OR7D2: variants seen among roughly 807,000 people sequenced by gnomAD.
OR7D2 encodes the protein olfactory receptor 7D2.
For synonymous variants in OR7D2, 158 were observed against 158.7 expected (o/e 1.00, Z 0.03); for missense variants, 370 against 384.1 (o/e 0.96, Z 0.31).
rs376232496 is a variant in OR7D2, at chr19:9,181,547, T to C, written c.-14+759T>C. On this transcript the variant is annotated intron_variant, in intron 2 of 2. Transcript: ENST00000641288. ...ATAGCTCACTACAGCCTCAACCTCC[T>C]GGGCTCAGGCAATTCTCCTGCCTCA... Among the ~76,000 whole-genome samples the C allele has an allele frequency of 1.5e-4, 22 of 149,320 alleles. 1 individual carries two copies. Among genetic ancestry groups the C allele is most frequent in the African/African-American group, 5.2e-4 (21 of 40,556 alleles).
chr19:9,185,654 G>A, intron 2 of OR7D2, 115 bp from the exon 3 acceptor site: 1 of 597,262 alleles, frequency 1.7e-6, no homozygotes, highest in South Asian at 2.4e-5. Flanking sequence ...TGTAAACATA[G>A]CTCCCTGCAG....
intron 1 of OR7D2, among the ~76,000 whole-genome samples, chr19:9,179,543 CAAAAA>C: frequency 7.0e-6 from 1 of 142,402 alleles, no homozygotes; most frequent in African/African-American, 2.6e-5. Flanking sequence ...GACGCTGTCT[CAAAAA>C]AAAAAAAAGA....
intron 2 of OR7D2, chr19:9,183,103 C>CA (rs1362155832): frequency 3.2e-5 from 9 of 284,524 alleles, no homozygotes; most frequent in Non-Finnish European, 5.9e-5. Context: ...AGTTTCTCGT[C>CA]AGGCCCACAG....
intron 2 of OR7D2, among the ~76,000 whole-genome samples, chr19:9,185,031 G>A (rs1488869459): frequency 6.6e-6 from 1 of 152,000 alleles, no homozygotes; most frequent in Non-Finnish European, 1.5e-5. Context: ...GGGTGCGGCT[G>A]GGGGAGAAAA....
chr19:9,183,720 G>A (rs1033030207), intron 2 of OR7D2, among the ~76,000 whole-genome samples: 2 of 151,052 alleles, frequency 1.3e-5, no homozygotes, highest in African/African-American at 4.8e-5. Context: ...CACTTTGGGA[G>A]GCCGAGGCGG....
intron 2 of OR7D2, among the ~76,000 whole-genome samples, chr19:9,181,526 C>G (rs1170610624): frequency 7.0e-6 from 1 of 143,816 alleles, no homozygotes; most frequent in Admixed American, 7.4e-5. Flanking sequence ...GCAATCATAG[C>G]TCACTACAGC....
Position 9,187,326 on chromosome 19 carries a change from T to A in OR7D2, c.*606T>A, listed in dbSNP as rs1223886568. Reference sequence around the variant, plus strand: ...ATTATAAGTGAGATCATGCAGCATTTGACTTTGTTTCTTTACTACCTTACT... The same window carrying A: ...ATTATAAGTGAGATCATGCAGCATTAGACTTTGTTTCTTTACTACCTTACT... On this transcript the variant is annotated 3_prime_UTR_variant, in exon 3 of 3. Transcript: ENST00000641288. 1 of 167,044 alleles carries A rather than the reference T, an allele frequency of 6.0e-6. No individual in the cohort carries two copies. Among genetic ancestry groups the A allele is most frequent in the East Asian group, 1.9e-4 (1 of 5,198 alleles). The allele number at this position is 167,044 out of a possible 1,614,324, so 10.3% of individuals were successfully genotyped here.
rs968703122 is a variant in OR7D2, at chr19:9,180,792, C to T, written c.-14+4C>T. 2.6e-5 allele frequency: 4 copies of T among 151,906 alleles called. No individual in the cohort carries two copies. The highest frequency in any genetic ancestry group is 3.4e-3 in the Middle Eastern group (1 of 294). The allele number at this position is 151,906 out of a possible 1,614,324, so 9.4% of individuals were successfully genotyped here. A position where few individuals can be genotyped will look rare whatever the true frequency, so the allele number is the denominator to read the frequency against. On this transcript the variant is annotated splice_donor_region_variant and intron_variant, in intron 2 of 2. Coordinates refer to ENST00000641288, the MANE Select transcript of OR7D2 (RefSeq NM_175883.4). Reference sequence around the variant, plus strand: ...ACTTGCCACAAAGAAACTTCAGGTTCGTCGGGCTTCATGGTGTATTTGTCT... The same window carrying T: ...ACTTGCCACAAAGAAACTTCAGGTTTGTCGGGCTTCATGGTGTATTTGTCT...
chr19:9,186,125 T>G lies in OR7D2; in HGVS notation c.344T>G (p.Leu115Arg). ...MFFPILDTLL[L>R]TVMAYDRFVA... ...TTTCCTATTCTGGACACGCTACTCC[T>G]GACCGTGATGGCCTATGACCGGTTT... Residue 115 changes from leucine to arginine, a missense_variant, in exon 3 of 3, where the codon CTG (leucine) becomes CGG (arginine). Physicochemically the swap from Leu to Arg is moderately radical, Grantham distance 102. Coordinates refer to ENST00000641288, the MANE Select transcript of OR7D2 (RefSeq NM_175883.4). 6.2e-7 allele frequency: 1 copy of G among 1,614,146 alleles called. No homozygotes were observed. Among genetic ancestry groups the G allele is most frequent in the Non-Finnish European group, 8.5e-7 (1 of 1,180,020 alleles).
chr19:9,184,544 C>T (rs2145981893), intron 2 of OR7D2, among the ~76,000 whole-genome samples: 1 of 152,070 alleles, frequency 6.6e-6, no homozygotes, highest in South Asian at 2.1e-4. Context: ...CCAGCAATCC[C>T]TCCCCTGGAT....
At chr19:9,183,009 G>A (rs2051002095) in intron 2 of OR7D2, 2 of 429,986 alleles carry the variant, frequency 4.7e-6, no homozygotes, top group Non-Finnish European at 9.3e-6. Flanking sequence ...ACGGCATCAG[G>A]GCCTTCACAG....
intron 2 of OR7D2, among the ~76,000 whole-genome samples, chr19:9,182,076 T>C (rs1232595551): frequency 6.6e-6 from 1 of 152,228 alleles, no homozygotes; most frequent in Non-Finnish European, 1.5e-5. Flanking sequence ...GGTGGTTAAC[T>C]ATGAGATATT....
chr19:9,182,686 AT>A (rs972864817), intron 2 of OR7D2: 8 of 155,870 alleles, frequency 5.1e-5, no homozygotes, highest in Non-Finnish European at 8.4e-5. Context: ...CGCCTGGCTA[AT>A]TTTTTTTGTA....
In OR7D2 at chr19:9,186,794, C is replaced by T; in HGVS notation, c.*74C>T. On this transcript the variant is annotated 3_prime_UTR_variant, in exon 3 of 3. Coordinates refer to ENST00000641288, the MANE Select transcript of OR7D2 (RefSeq NM_175883.4). ...AAAATGTTTTATTTTGAAATTCTTA[C>T]TCTTTAAAATTAAAAACATTTTTTT... 1 of 1,042,658 alleles carries T rather than the reference C, an allele frequency of 9.6e-7. No homozygotes were observed. The highest frequency in any genetic ancestry group is 1.4e-6 in the Non-Finnish European group (1 of 725,790). 64.6% of individuals were successfully genotyped at this position (1,042,658 alleles called of 1,614,324 possible). A position where few individuals can be genotyped will look rare whatever the true frequency, so the allele number is the denominator to read the frequency against.
In OR7D2 at chr19:9,186,648, C is replaced by CTACA; in HGVS notation, c.868_871dup (p.Ser291IlefsTer46). On this transcript the variant is annotated frameshift_variant, in exon 3 of 3. Coordinates refer to ENST00000641288, the MANE Select transcript of OR7D2 (RefSeq NM_175883.4). LOFTEE classifies it low-confidence loss of function (END_TRUNC). ...TCACCCCCATGTTGAACCCCTTCAT[C>CTACA]TACAGCCTGAGGAACAAGGATGTGA... is the stretch of plus-strand genomic sequence containing the variant. 6.2e-7 allele frequency: 1 copy of CTACA among 1,614,084 alleles called. No individual in the cohort carries two copies. Among genetic ancestry groups the CTACA allele is most frequent in the Non-Finnish European group, 8.5e-7 (1 of 1,180,012 alleles).
chr19:9,185,967 C>T lies in OR7D2; in HGVS notation c.186C>T (p.Phe62=), dbSNP rs2051028103. 6.2e-7 allele frequency: 1 copy of T among 1,614,190 alleles called. No homozygotes were observed. Among genetic ancestry groups the T allele is most frequent in the Non-Finnish European group, 8.5e-7 (1 of 1,180,028 alleles). ...DSHLHTPMYF[F]LSNLSWVDIC... ...ACCTCCACACCCCCATGTACTTCTT[C>T]CTCTCCAACCTGTCCTGGGTTGACA... The change falls in exon 3 of 3, where the codon TTC becomes TTT. Residue 62 remains phenylalanine (F), a synonymous_variant. Coordinates refer to ENST00000641288, the MANE Select transcript of OR7D2 (RefSeq NM_175883.4).
intron 2 of OR7D2, among the ~76,000 whole-genome samples, chr19:9,182,066 G>T (rs576878283): frequency 6.6e-6 from 1 of 152,120 alleles, no homozygotes; most frequent in South Asian, 2.1e-4. Context: ...ATTTAATATG[G>T]GTGGTTAACT....
In OR7D2 at chr19:9,182,037, G is replaced by A. The variant is rs558538189; in HGVS notation, c.-14+1249G>A. Among the ~76,000 whole-genome samples the A allele has an allele frequency of 2.6e-5, 4 of 152,250 alleles. No individual in the cohort carries two copies. The East Asian group carries it at 7.7e-4, about 29-fold the overall frequency. On this transcript the variant is annotated intron_variant, in intron 2 of 2. Coordinates refer to ENST00000641288, the MANE Select transcript of OR7D2 (RefSeq NM_175883.4). ...CATTTTCTAGAATTCTATTTTGTTT[G>A]GGACGTTATAAAATGGATATTTAAT...
chr19:9,180,928 T>A (rs939134593), intron 2 of OR7D2, 140 bp downstream of exon 2: 2 of 152,018 alleles, frequency 1.3e-5, no homozygotes, highest in African/African-American at 4.8e-5. Context: ...AGTTTGAGAC[T>A]AGCCTGGCCA....
Sources: gnomAD v4.1 joint callset for allele counts (sites outside exome capture counted in the v4.1 genomes callset) on GRCh38, gnomAD v4.1.1 for gene constraint, MANE v1.5 for transcripts, NCBI Gene and HGNC (gene_info 2026-07-23, HGNC 2026-07-21) for gene names.